ACAP2: variants seen among roughly 807,000 people sequenced by gnomAD.
ACAP2 encodes arf-GAP with coiled-coil, ANK repeat and PH domain-containing protein 2.
A neutral mutation model predicts 115.8 loss-of-function variants in ACAP2; 39 were observed. That is an observed-to-expected ratio of 0.34 (90% confidence interval 0.26 to 0.44). ACAP2 has a LOEUF of 0.44. Ranked by LOEUF, ACAP2 falls within the 20% of genes least tolerant of loss-of-function variation. ACAP2 has a pLI of 1.00. For synonymous variants in ACAP2, 289 were observed against 315.8 expected (o/e 0.92, Z 0.90); for missense variants, 662 against 927.6 (o/e 0.71, Z 3.72).
intron 2 of ACAP2, among the ~76,000 whole-genome samples, 163 bp downstream of exon 2, chr3:195,391,927 G>T: frequency 6.6e-6 from 1 of 152,118 alleles, no homozygotes; most frequent in South Asian, 2.1e-4. Context: ...CCCAGGAGAC[G>T]GAGGTTGCAG....
At chr3:195,291,374 T>C (rs1727243282) in intron 20 of ACAP2, among the ~76,000 whole-genome samples, 1 of 152,234 alleles carries the variant, frequency 6.6e-6, no homozygotes, top group Non-Finnish European at 1.5e-5. Flanking sequence ...AAATAATGTA[T>C]ATGTACATAC....
chr3:195,333,481 G>A (rs569600967), intron 7 of ACAP2, among the ~76,000 whole-genome samples: 22 of 152,278 alleles, frequency 1.4e-4, no homozygotes, highest in East Asian at 3.9e-4. Flanking sequence ...GATTATAGGC[G>A]TGAGCCACCA....
chr3:195,358,615 C>A (rs989505000), intron 4 of ACAP2, among the ~76,000 whole-genome samples: 2 of 151,788 alleles, frequency 1.3e-5, no homozygotes, highest in African/African-American at 4.8e-5. Context: ...CTCTTAACAG[C>A]AGAACTGATC....
intron 1 of ACAP2, among the ~76,000 whole-genome samples, chr3:195,400,438 G>C (rs1712189238): frequency 6.6e-6 from 1 of 150,702 alleles, no homozygotes; most frequent in Non-Finnish European, 1.5e-5. Flanking sequence ...ATTATTGACA[G>C]AATACTAATC....
intron 1 of ACAP2, among the ~76,000 whole-genome samples, chr3:195,425,887 C>T (rs1042097836): frequency 6.6e-6 from 1 of 152,142 alleles, no homozygotes; most frequent in African/African-American, 2.4e-5. Flanking sequence ...CTGGCCCAGC[C>T]TGATAACTAG....
At chr3:195,352,216 G>A (rs950960890) in intron 4 of ACAP2, among the ~76,000 whole-genome samples, 1 of 152,046 alleles carries the variant, frequency 6.6e-6, no homozygotes, top group Non-Finnish European at 1.5e-5. Context: ...ATGCTGTATA[G>A]GTTTGCAGCG....
chr3:195,389,962 G>A (rs1406074811), intron 2 of ACAP2, among the ~76,000 whole-genome samples: 1 of 152,204 alleles, frequency 6.6e-6, no homozygotes, highest in South Asian at 2.1e-4. Context: ...TTGGGAGGCC[G>A]AGGCGGGCGG....
intron 5 of ACAP2, 58 bp downstream of exon 5, chr3:195,345,201 T>G: frequency 2.6e-6 from 3 of 1,167,628 alleles, no homozygotes; most frequent in Non-Finnish European, 3.9e-6. Flanking sequence ...AAGATACGAA[T>G]TCTCAGATTG....
intron 1 of ACAP2, among the ~76,000 whole-genome samples, chr3:195,395,238 A>T (rs1711644985): frequency 6.6e-6 from 1 of 152,164 alleles, no homozygotes; most frequent in African/African-American, 2.4e-5. Flanking sequence ...TACCCTCCAT[A>T]GCTTAAAATT....
At chr3:195,348,417 A>C (rs927714733) in intron 4 of ACAP2, among the ~76,000 whole-genome samples, 3 of 152,162 alleles carry the variant, frequency 2.0e-5, no homozygotes, top group African/African-American at 7.2e-5. Flanking sequence ...ATTCTACCAA[A>C]CATTGAAAGG....
intron 18 of ACAP2, 105 bp downstream of exon 18, chr3:195,294,605 AAAATTATAT>A (rs1270319832): frequency 7.3e-4 from 65 of 88,852 alleles, no homozygotes; most frequent in Non-Finnish European, 5.4e-4. Context: ...AAAAAAAAAA[AAAATTATAT>A]ATATATATAT....
At chr3:195,348,794 T>C (rs550056358) in intron 4 of ACAP2, among the ~76,000 whole-genome samples, 5 of 152,280 alleles carry the variant, frequency 3.3e-5, no homozygotes, top group African/African-American at 1.2e-4. Context: ...CTCAGGAATA[T>C]AGACATATAA....
chr3:195,434,307 A>G (rs1304270899), intron 1 of ACAP2, among the ~76,000 whole-genome samples: 2 of 152,110 alleles, frequency 1.3e-5, no homozygotes, highest in Non-Finnish European at 2.9e-5. Context: ...AATACAGCTC[A>G]CTGTAGCCTC....
chr3:195,397,143 A>G (rs1363987312), intron 1 of ACAP2, among the ~76,000 whole-genome samples: 1 of 152,232 alleles, frequency 6.6e-6, no homozygotes, highest in Non-Finnish European at 1.5e-5. Context: ...TTTGTTTTAT[A>G]TAATACATGT....
intron 6 of ACAP2, among the ~76,000 whole-genome samples, chr3:195,341,023 TAAG>T (rs560084355): frequency 4.2e-4 from 64 of 152,338 alleles, no homozygotes; most frequent in African/African-American, 1.5e-3. Flanking sequence ...TATTTTTTCT[TAAG>T]AAATATTCTG....
At chr3:195,326,223 T>A (rs567495729) in intron 9 of ACAP2, 17 of 152,270 alleles carry the variant, frequency 1.1e-4, no homozygotes, top group Non-Finnish European at 1.5e-4. Flanking sequence ...TTCAGCACTC[T>A]CCTTTTATTT....
intron 20 of ACAP2, among the ~76,000 whole-genome samples, chr3:195,289,553 C>T (rs1727095446): frequency 6.6e-6 from 1 of 151,964 alleles, no homozygotes; most frequent in Non-Finnish European, 1.5e-5. Context: ...GTAATCCCAG[C>T]ACTTTGGGAG....
chr3:195,389,059 G>T (rs1734484906), intron 2 of ACAP2, among the ~76,000 whole-genome samples: 1 of 149,566 alleles, frequency 6.7e-6, no homozygotes, highest in South Asian at 2.1e-4. Flanking sequence ...AAAAAAAAAA[G>T]AATTTGGAAG....
Position 195,354,320 on chromosome 3 carries a change from C to A in ACAP2, c.286-9003G>T, listed in dbSNP as rs77551090. Reference sequence around the variant, plus strand: ...GCAATGAACATACACATACATATGTCTTTATAATAGAACTATATTCCTATG... The same window carrying A: ...GCAATGAACATACACATACATATGTATTTATAATAGAACTATATTCCTATG... On this transcript the variant is annotated intron_variant, in intron 4 of 22. Coordinates refer to ENST00000326793, the MANE Select transcript of ACAP2 (RefSeq NM_012287.6). 2.0e-5 allele frequency among the ~76,000 whole-genome samples: 3 copies of A among 152,256 alleles called. No homozygotes were observed. The East Asian group carries it at 5.8e-4, about 29-fold the overall frequency.
Sources: allele counts gnomAD v4.1 joint callset (sites outside exome capture counted in the v4.1 genomes callset), GRCh38; gene constraint gnomAD v4.1.1; transcripts MANE v1.5; gene names NCBI Gene and HGNC (gene_info 2026-07-23, HGNC 2026-07-21).